INSL6: variants seen among roughly 807,000 people sequenced by gnomAD.
The protein encoded by INSL6 is insulin-like peptide INSL6.
Under a neutral mutation model 9.4 loss-of-function variants are expected in INSL6, and 16 were observed. The ratio of observed to expected loss-of-function variants is 1.70; its 90% confidence interval spans 1.15 to 2.59. The LOEUF (loss-of-function observed/expected upper bound fraction) is 2.59. INSL6 is among the 30% of genes most tolerant of loss of function. The pLI is 0.00. For missense variants in INSL6, 391 were observed against 257.3 expected, an observed-to-expected ratio of 1.52 and a Z score of -3.56; for synonymous variants, 154 against 96.9, an observed-to-expected ratio of 1.59 and a Z score of -3.46.
the INSL6 span, among the ~76,000 whole-genome samples, chr9:5,025,538 C>CTT: frequency 0.22 from 30,296 of 140,240 alleles, 3,312 homozygotes; most frequent in South Asian, 0.27. Flanking sequence ...AGTTTGTTTC[C>CTT]TTTTTTTTTT....
chr9:5,060,099 TAC>T, the INSL6 span, among the ~76,000 whole-genome samples: 5 of 152,110 alleles, frequency 3.3e-5, no homozygotes, highest in East Asian at 9.6e-4. Flanking sequence ...TAATCAAGTC[TAC>T]TAAGTGTGCA....
chr9:5,066,744 C>G, the INSL6 span: 3 of 1,604,582 alleles, frequency 1.9e-6, no homozygotes, highest in Non-Finnish European at 2.6e-6. Flanking sequence ...TACTTCGATG[C>G]AGTCCTAAGG....
chr9:5,185,245 T>C (rs1468877559), intron 1 of INSL6, 69 bp downstream of exon 1: 1 of 1,594,056 alleles, frequency 6.3e-7, no homozygotes, highest in Non-Finnish European at 8.6e-7. Flanking sequence ...GCTCACCTTC[T>C]GGCAGAGCAA....
intron 1 of INSL6, among the ~76,000 whole-genome samples, chr9:5,171,164 G>GTGCT (rs1208840120): frequency 6.6e-6 from 1 of 152,062 alleles, no homozygotes; most frequent in Admixed American, 6.5e-5. Context: ...CATGTCCAGG[G>GTGCT]TGCAAGGGTG....
the INSL6 span, among the ~76,000 whole-genome samples, chr9:5,024,873 C>T: frequency 6.6e-6 from 1 of 152,170 alleles, no homozygotes; most frequent in African/African-American, 2.4e-5. Flanking sequence ...AAGGTTGGCT[C>T]TGTTCACTCC....
chr9:5,177,775 G>T (rs79442751), intron 1 of INSL6, among the ~76,000 whole-genome samples: 10,743 of 152,142 alleles, frequency 0.071, 1,247 homozygotes, highest in African/African-American at 0.25. Flanking sequence ...AGCTGTTCCA[G>T]CCTCCCAGCT....
At chr9:5,146,551 G>C (rs1435868989) in intron 2 of INSL6, among the ~76,000 whole-genome samples, 1 of 152,216 alleles carries the variant, frequency 6.6e-6, no homozygotes, top group Non-Finnish European at 1.5e-5. Context: ...TGATCACTCA[G>C]GGTGTGGGAG....
the INSL6 span, among the ~76,000 whole-genome samples, chr9:5,087,835 T>C: frequency 2.6e-5 from 4 of 152,340 alleles, no homozygotes; most frequent in East Asian, 5.8e-4. Flanking sequence ...AATATTTATT[T>C]ATAAGAATAT....
At chr9:5,127,558 G>A (rs1267625382) in intron 3 of INSL6, 1 of 231,094 alleles carries the variant, frequency 4.3e-6, no homozygotes, top group African/African-American at 2.2e-5. Flanking sequence ...TGGTGAATGT[G>A]TTTTTTAAAT....
the INSL6 span, chr9:5,044,617 A>T: frequency 5.5e-6 from 4 of 726,960 alleles, no homozygotes; most frequent in East Asian, 1.1e-4. Context: ...ATATGGGAAA[A>T]TTGCAGTTCT....
chr9:5,042,599 A>AGGCCCAGGCCC, the INSL6 span, among the ~76,000 whole-genome samples: 3 of 151,668 alleles, frequency 2.0e-5, no homozygotes, highest in African/African-American at 7.3e-5. Context: ...CCCAGGGCTG[A>AGGCCCAGGCCC]GGCCCAGCCA....
the INSL6 span, chr9:5,089,564 AAGAC>A: frequency 3.2e-5 from 11 of 339,566 alleles, no homozygotes; most frequent in East Asian, 4.8e-5. Context: ...AAAAAAAAAA[AAGAC>A]AGTCTGCTAA....
the INSL6 span, among the ~76,000 whole-genome samples, chr9:5,037,711 T>TG: frequency 6.6e-6 from 1 of 151,596 alleles, no homozygotes; most frequent in East Asian, 1.9e-4. Flanking sequence ...TGTTCTGGGG[T>TG]GGGGGGATGG....
At chr9:5,041,734 T>A in the INSL6 span, 4 of 494,272 alleles carry the variant, frequency 8.1e-6, no homozygotes, top group Admixed American at 2.3e-5. Context: ...GGGAAGCCCT[T>A]GGCGACCCCC....
At chr9:5,068,227 C>T in the INSL6 span, among the ~76,000 whole-genome samples, 2 of 150,040 alleles carry the variant, frequency 1.3e-5, no homozygotes, top group Non-Finnish European at 3.0e-5. Context: ...ACCTGATTGA[C>T]CTTGAGGTAT....
the INSL6 span, chr9:5,098,759 T>C: frequency 1.3e-5 from 2 of 151,780 alleles, no homozygotes; most frequent in Admixed American, 6.6e-5. Flanking sequence ...AGTGGTGTGA[T>C]CTCAGCTCAC....
At chr9:4,993,399 A>T in the INSL6 span, among the ~76,000 whole-genome samples, 1 of 152,196 alleles carries the variant, frequency 6.6e-6, no homozygotes, top group Non-Finnish European at 1.5e-5. Context: ...TCTCCTTGAA[A>T]TTCTACTCAA....
chr9:5,159,384 G>A (rs1048860810), downstream of INSL6, among the ~76,000 whole-genome samples: 1 of 150,002 alleles, frequency 6.7e-6, no homozygotes, highest in Admixed American at 6.6e-5. Context: ...AAAAAGGATC[G>A]AACAACCTCT....
chr9:5,016,159 A>G, the INSL6 span, among the ~76,000 whole-genome samples: 1 of 152,198 alleles, frequency 6.6e-6, no homozygotes, highest in Non-Finnish European at 1.5e-5. Flanking sequence ...GCCTACTGCT[A>G]TAGTGTTGGA....
Sources: gnomAD v4.1 joint callset for allele counts (sites outside exome capture counted in the v4.1 genomes callset) on GRCh38, gnomAD v4.1.1 for gene constraint, MANE v1.5 for transcripts, NCBI Gene and HGNC (gene_info 2026-07-23, HGNC 2026-07-21) for gene names.